CASC3: variants seen among roughly 807,000 people sequenced by gnomAD.
CASC3 encodes the protein protein CASC3.
CASC3 carries 30 observed loss-of-function variants against 80.5 expected under a neutral mutation model. The observed-to-expected ratio is 0.37, with a 90% CI of 0.28 to 0.51. The LOEUF (loss-of-function observed/expected upper bound fraction) is 0.51. Ranked by LOEUF, CASC3 falls within the 20% of genes least tolerant of loss-of-function variation. The pLI is 0.94. For missense variants in CASC3, 824 were observed against 922.2 expected, an observed-to-expected ratio of 0.89 and a Z score of 1.38; for synonymous variants, 312 against 333.6, an observed-to-expected ratio of 0.94 and a Z score of 0.70.
At position 40,161,815 on chromosome 17, in the gene CASC3, T is replaced by G; in HGVS notation, c.360T>G (p.Asn120Lys). 1 of 1,614,090 alleles carries G rather than the reference T, an allele frequency of 6.2e-7. No individual in the cohort carries two copies. Among genetic ancestry groups the G allele is most frequent in the Non-Finnish European group, 8.5e-7 (1 of 1,179,990 alleles). ...AAGTGGAGCTGAAATCAGAAGCTAA[T>G]GATGCTGTTAATTCTTCAACAAAAG... ...NSKVELKSEANDAVNSSTKEE... is the reference protein window; with the variant it reads ...NSKVELKSEAKDAVNSSTKEE... The change falls in exon 4 of 14, where the codon AAT (asparagine) becomes AAG (lysine). Residue 120 changes from asparagine to lysine, a missense_variant. Asn to Lys is a moderately conservative substitution (Grantham distance 94). Transcript: ENST00000264645.
chr17:40,160,484 C>G (rs1056514243), intron 3 of CASC3, among the ~76,000 whole-genome samples: 34 of 151,426 alleles, frequency 2.2e-4, no homozygotes, highest in African/African-American at 8.3e-4. Context: ...GAGCAAGACC[C>G]TGTCTCAAAA....
chr17:40,141,323 CTG>C, intron 2 of CASC3, 89 bp downstream of exon 2: 1 of 1,258,450 alleles, frequency 7.9e-7, no homozygotes, highest in Non-Finnish European at 1.2e-6. Context: ...TTCTCACACA[CTG>C]TCACGGATTT....
At position 40,140,990 on chromosome 17, in the gene CASC3, C is replaced by T. The variant is rs571403877; in HGVS notation, c.231+211C>T. The T allele has an allele frequency of 7.9e-6, 5 of 633,498 alleles. No homozygotes were observed. In the East Asian group the frequency reaches 1.1e-4, roughly 14 times the overall value. 39.2% of individuals were successfully genotyped at this position (633,498 alleles called of 1,614,324 possible). ...GGGGGTTTCTGGGAGGATGGTAGAG[C>T]CGCTGGAGATGGAAAGCGGATGTTT... is the stretch of plus-strand genomic sequence containing the variant. On this transcript the variant is annotated intron_variant, in intron 1 of 13. Transcript: ENST00000264645.
intron 7 of CASC3, among the ~76,000 whole-genome samples, chr17:40,166,036 G>T (rs1395178314): frequency 2.0e-5 from 3 of 151,940 alleles, no homozygotes; most frequent in African/African-American, 7.3e-5. Context: ...AGAGTGCTGG[G>T]CTTATAAGCA....
chr17:40,163,196 A>G (rs1598429343), intron 6 of CASC3, among the ~76,000 whole-genome samples: 2 of 152,102 alleles, frequency 1.3e-5, no homozygotes, highest in South Asian at 2.1e-4. Flanking sequence ...GTGCAATGGC[A>G]TGTTCTCGGC....
At chr17:40,158,673 C>T (rs965386248) in intron 3 of CASC3, among the ~76,000 whole-genome samples, 2 of 152,128 alleles carry the variant, frequency 1.3e-5, no homozygotes, top group African/African-American at 4.8e-5. Context: ...CAGTGTTACC[C>T]AATCTTGATG....
intron 3 of CASC3, among the ~76,000 whole-genome samples, chr17:40,157,324 A>G (rs1010376156): frequency 1.2e-4 from 18 of 151,422 alleles, no homozygotes; most frequent in African/African-American, 3.4e-4. Context: ...CAGCCTGGAC[A>G]ACAGCGAGAC....
At chr17:40,159,574 C>G in intron 3 of CASC3, among the ~76,000 whole-genome samples, 1 of 140,332 alleles carries the variant, frequency 7.1e-6, no homozygotes, top group East Asian at 2.2e-4. Context: ...GAGACAGGAT[C>G]TCTCTCTGTT....
intron 3 of CASC3, among the ~76,000 whole-genome samples, chr17:40,143,761 C>G (rs540719928): frequency 6.6e-6 from 1 of 150,954 alleles, no homozygotes; most frequent in African/African-American, 2.4e-5. Context: ...ATCCGGGAGG[C>G]AGAGGTTGCA....
rs925599785 is a variant in CASC3, at chr17:40,162,734, G to A, written c.618G>A (p.Gly206=). 16 of 1,613,446 alleles carry A rather than the reference G, an allele frequency of 9.9e-6. No individual in the cohort carries two copies. Among genetic ancestry groups the A allele is most frequent in the Non-Finnish European group, 1.3e-5 (15 of 1,179,938 alleles). The part of the protein sequence containing the change: ...QTQEEEVRPK[G]RQRKLWKDEG... ...CCTTCATTTTATCCAGACCCAAGGG[G>A]CGTCAGCGAAAGCTATGGAAGGATG... Residue 206 remains glycine, a synonymous_variant, in exon 6 of 14, where the codon GGG becomes GGA. Coordinates refer to ENST00000264645, the MANE Select transcript of CASC3 (RefSeq NM_007359.5).
At position 40,161,893 on chromosome 17, in the gene CASC3, G is replaced by A. The variant is rs751698613; in HGVS notation, c.438G>A (p.Arg146=). The A allele has an allele frequency of 2.5e-6, 4 of 1,614,032 alleles. No individual in the cohort carries two copies. In the Admixed American group the frequency reaches 6.7e-5, roughly 27 times the overall value. Residue 146 remains arginine (R), a synonymous_variant, in exon 4 of 14, where the codon AGG becomes AGA. Transcript: ENST00000264645. ...PDTKSTVTGE[R]QSGDGQESTE... The stretch of plus-strand genomic sequence containing the variant: ...CCAAAAGCACTGTGACTGGAGAGAG[G>A]CAAAGTGGGGACGGACAGGTTAGTA...
At position 40,163,887 on chromosome 17, in the gene CASC3, C is replaced by A; in HGVS notation, c.1192C>A (p.Pro398Thr). Reference sequence around the variant, plus strand: ...TGCTGCACCACCACCCCCTGATAGGCCCATTGAGAAGAAATCCTATTCCCG... The same window carrying A: ...TGCTGCACCACCACCCCCTGATAGGACCATTGAGAAGAAATCCTATTCCCG... ...PDAAPPPPDR[P>T]IEKKSYSRAR... Residue 398 changes from proline (P) to threonine (T), a missense_variant, in exon 7 of 14, where the codon CCC (proline) becomes ACC (threonine). Physicochemically the swap from Pro to Thr is conservative, Grantham distance 38. This residue lies in a region of CASC3 where 464 missense variants were observed against 506.0 expected (regional missense o/e 0.92). Transcript: ENST00000264645. 6.2e-7 allele frequency: 1 copy of A among 1,614,146 alleles called. No individual in the cohort carries two copies. The highest frequency in any genetic ancestry group is 8.5e-7 in the Non-Finnish European group (1 of 1,180,032).
rs970427680 is a variant in CASC3, at chr17:40,171,870, C to T, written c.*1465C>T. ...GTGTGGGATGGAGAGTGGGGAGAGG[C>T]ACTTAATCTGTAACCCCCAAGGAGG... On this transcript the variant is annotated 3_prime_UTR_variant, in exon 14 of 14. Transcript: ENST00000264645. 33 of 1,205,180 alleles carry T rather than the reference C, an allele frequency of 2.7e-5. No homozygotes were observed. The African/African-American group carries it at 4.3e-4, about 16-fold the overall frequency. 74.7% of individuals were successfully genotyped at this position (1,205,180 alleles called of 1,614,324 possible).
At chr17:40,142,929 A>G (rs922012132) in intron 3 of CASC3, among the ~76,000 whole-genome samples, 1 of 151,596 alleles carries the variant, frequency 6.6e-6, no homozygotes, top group Non-Finnish European at 1.5e-5. Flanking sequence ...CTACTAAAAA[A>G]TACAAAAATT....
rs1254368570 is a variant in CASC3, at chr17:40,168,203, G to T, written c.1751G>T (p.Gly584Val). Residue 584 changes from glycine (G) to valine (V), a missense_variant and splice_region_variant, in exon 11 of 14, where the codon GGT (glycine) becomes GTT (valine). Physicochemically the swap from Gly to Val is moderately radical, Grantham distance 109 (BLOSUM62 -3). Around this residue, in one of 3 missense-constraint regions of CASC3, gnomAD observed 464 missense variants for 506.0 expected, o/e 0.92. Coordinates refer to ENST00000264645, the MANE Select transcript of CASC3 (RefSeq NM_007359.5). ...VQPGMNLPHP[G>V]LHPHQTPAPL... The stretch of plus-strand genomic sequence containing the variant: ...CAGTTTTTTTCTTCTCCTTATCCAG[G>T]TTTACATCCCCACCAGACACCAGCT... The T allele has an allele frequency of 6.2e-7, 1 of 1,613,672 alleles. No individual in the cohort carries two copies. Among genetic ancestry groups the T allele is most frequent in the Admixed American group, 1.7e-5 (1 of 59,970 alleles).
At chr17:40,145,452 G>A (rs1161057239) in intron 3 of CASC3, among the ~76,000 whole-genome samples, 3 of 151,958 alleles carry the variant, frequency 2.0e-5, no homozygotes, top group Non-Finnish European at 2.9e-5. Flanking sequence ...GATTACAGGC[G>A]TGAGCTACTG....
intron 3 of CASC3, among the ~76,000 whole-genome samples, chr17:40,145,384 G>T (rs139852505): frequency 6.7e-6 from 1 of 150,138 alleles, no homozygotes; most frequent in Non-Finnish European, 1.5e-5. Flanking sequence ...ATGTTGGCCA[G>T]GATGGTCTCC....
At chr17:40,149,213 C>A (rs1273330910) in intron 3 of CASC3, among the ~76,000 whole-genome samples, 1 of 151,864 alleles carries the variant, frequency 6.6e-6, no homozygotes, top group Non-Finnish European at 1.5e-5. Context: ...CTGTCCAGAG[C>A]TCTCATTCCA....
intron 3 of CASC3, among the ~76,000 whole-genome samples, chr17:40,146,408 C>G (rs1204460182): frequency 6.6e-6 from 1 of 151,740 alleles, no homozygotes; most frequent in Non-Finnish European, 1.5e-5. Context: ...CTGTTGCTAT[C>G]CAGCATCTCG....
Sources: allele counts gnomAD v4.1 joint callset (sites outside exome capture counted in the v4.1 genomes callset), GRCh38; gene constraint gnomAD v4.1.1; regional missense constraint gnomAD v4.1.1; transcripts MANE v1.5; gene names NCBI Gene and HGNC (gene_info 2026-07-23, HGNC 2026-07-21).